NELL2: variants seen among roughly 807,000 people sequenced by gnomAD.
NELL2 encodes the protein protein kinase C-binding protein NELL2.
In NELL2, 41 loss-of-function variants were observed where a neutral mutation model predicts 109.6. The observed-to-expected ratio is 0.37, with a 90% confidence interval of 0.29 to 0.49. The LOEUF is 0.49. NELL2 is among the 20% of genes least tolerant of loss of function. The probability of loss-of-function intolerance (pLI) is 0.98; values close to 1 mark genes in which losing one functional copy is unlikely to be tolerated. For missense variants in NELL2, 900 were observed against 1,008.3 expected (o/e 0.89, Z 1.45); for synonymous variants, 355 against 344.7 (o/e 1.03, Z -0.33).
chr12:44,741,392 G>C (rs1237263511), intron 9 of NELL2, among the ~76,000 whole-genome samples: 1 of 152,180 alleles, frequency 6.6e-6, no homozygotes, highest in Non-Finnish European at 1.5e-5. Context: ...CAGAAGACAG[G>C]TGATTTCTGC....
intron 13 of NELL2, among the ~76,000 whole-genome samples, chr12:44,645,880 A>G (rs1333263263): frequency 6.6e-6 from 1 of 152,116 alleles, no homozygotes; most frequent in Non-Finnish European, 1.5e-5. Flanking sequence ...ATATTATAGT[A>G]TATTATACTC....
chr12:44,844,047 C>A (rs1442373853), intron 2 of NELL2, among the ~76,000 whole-genome samples: 1 of 152,068 alleles, frequency 6.6e-6, no homozygotes, highest in African/African-American at 2.4e-5. Flanking sequence ...AAAGACAGCA[C>A]CTTGTTGCTG....
At chr12:44,570,758 A>G (rs1169895440) in intron 15 of NELL2, among the ~76,000 whole-genome samples, 1 of 152,202 alleles carries the variant, frequency 6.6e-6, no homozygotes, top group Non-Finnish European at 1.5e-5. Context: ...CTTGTCCTTG[A>G]AACTTAAATC....
intron 13 of NELL2, among the ~76,000 whole-genome samples, chr12:44,629,492 T>A (rs1404112841): frequency 6.6e-6 from 1 of 152,102 alleles, no homozygotes; most frequent in Non-Finnish European, 1.5e-5. Context: ...ATTACAGAGA[T>A]GTCACAGGTA....
chr12:44,672,723 A>G, intron 12 of NELL2, among the ~76,000 whole-genome samples: 1 of 152,186 alleles, frequency 6.6e-6, no homozygotes, highest in Non-Finnish European at 1.5e-5. Context: ...ATGTGACCCT[A>G]TTTACAGCCA....
chr12:44,823,556 A>G (rs116649286), intron 2 of NELL2, among the ~76,000 whole-genome samples: 1,607 of 152,312 alleles, frequency 0.011, 27 homozygotes, highest in African/African-American at 0.037. Context: ...TGTTGCTGCA[A>G]AAGATATGAT....
In NELL2 at chr12:44,645,308, A is replaced by C. The variant is rs549484049; in HGVS notation, c.1444+20176T>G. The stretch of plus-strand genomic sequence containing the variant: ...AATTATTACTCTGTCTGCTGTGTGC[A>C]GAACATACTGGAGATAGCAAAAGCA... On this transcript the variant is annotated intron_variant, in intron 13 of 19. Coordinates refer to ENST00000429094, the MANE Select transcript of NELL2 (RefSeq NM_001145108.2). Among the ~76,000 whole-genome samples the C allele has an allele frequency of 2.6e-5, 4 of 152,352 alleles. No homozygotes were observed. The East Asian group carries it at 7.7e-4, about 29-fold the overall frequency.
At chr12:44,754,263 G>A (rs1205161622) in intron 9 of NELL2, among the ~76,000 whole-genome samples, 2 of 152,148 alleles carry the variant, frequency 1.3e-5, no homozygotes, top group Non-Finnish European at 2.9e-5. Context: ...ATATAATTTG[G>A]TAGTTTGTGG....
intron 15 of NELL2, among the ~76,000 whole-genome samples, chr12:44,604,484 C>T (rs770184375): frequency 6.6e-6 from 1 of 152,218 alleles, no homozygotes; most frequent in Non-Finnish European, 1.5e-5. Context: ...GACACAGCCA[C>T]ACCATCTTTT....
At chr12:44,726,115 C>G (rs995774085) in intron 9 of NELL2, among the ~76,000 whole-genome samples, 60 of 151,862 alleles carry the variant, frequency 4.0e-4, no homozygotes, top group African/African-American at 1.4e-3. Context: ...GAGAGTCCTT[C>G]AATAAATAAT....
At chr12:44,896,795 A>G (rs1455108610) in intron 1 of NELL2, among the ~76,000 whole-genome samples, 1 of 152,288 alleles carries the variant, frequency 6.6e-6, no homozygotes, top group East Asian at 1.9e-4. Flanking sequence ...ACACACCAGA[A>G]GCAAAAGTTT....
chr12:44,736,210 C>T lies in NELL2; in HGVS notation c.995-21469G>A, dbSNP rs374835490. On this transcript the variant is annotated intron_variant, in intron 9 of 19. Coordinates refer to ENST00000429094, the MANE Select transcript of NELL2 (RefSeq NM_001145108.2). ...ATTTTTAGTAGAGACGGGGTTTCAC[C>T]GTGTCAGCCAGGATGGTCTCAATCT... Among the ~76,000 whole-genome samples the T allele has an allele frequency of 1.2e-3, 187 of 151,742 alleles. 1 individual carries two copies. The highest frequency in any genetic ancestry group is 4.1e-3 in the African/African-American group (168 of 41,354).
intron 1 of NELL2, among the ~76,000 whole-genome samples, chr12:44,903,083 A>G (rs545303870): frequency 1.3e-5 from 2 of 152,334 alleles, no homozygotes; most frequent in African/African-American, 4.8e-5. Flanking sequence ...CTGCACAGCA[A>G]AATAAACTAT....
intron 15 of NELL2, among the ~76,000 whole-genome samples, chr12:44,557,617 G>T (rs910990163): frequency 2.0e-5 from 3 of 152,288 alleles, no homozygotes; most frequent in African/African-American, 7.2e-5. Context: ...TTTAGACTAC[G>T]TTGAGATTTT....
At chr12:44,600,467 C>A (rs747535937) in intron 15 of NELL2, among the ~76,000 whole-genome samples, 2 of 152,112 alleles carry the variant, frequency 1.3e-5, no homozygotes, top group Non-Finnish European at 2.9e-5. Context: ...ATGTTGCATT[C>A]AACAACGTTT....
intron 13 of NELL2, among the ~76,000 whole-genome samples, chr12:44,646,103 C>T (rs1947087458): frequency 6.6e-6 from 1 of 151,956 alleles, no homozygotes; most frequent in South Asian, 2.1e-4. Flanking sequence ...AAGCATATGC[C>T]TTCCAAATAG....
intron 2 of NELL2, among the ~76,000 whole-genome samples, chr12:44,858,077 A>C (rs1311085874): frequency 6.6e-6 from 1 of 152,224 alleles, no homozygotes. Flanking sequence ...AATAATAATT[A>C]AGATTTAATG....
At chr12:44,681,571 G>A (rs1459218628) in intron 12 of NELL2, among the ~76,000 whole-genome samples, 4 of 150,516 alleles carry the variant, frequency 2.7e-5, no homozygotes, top group Non-Finnish European at 5.9e-5. Context: ...TCCCCTCTCC[G>A]CCCACCCCAC....
rs1207140359 is a variant in NELL2, at chr12:44,875,689, C to T, written c.55+126G>A. ...AAAAATCCATATCCAAACCCGCCCC[C>T]TTACTCCAAGCTTCCCACTCCAGAC... On this transcript the variant is annotated intron_variant, in intron 1 of 19. Transcript: ENST00000429094. 2.5e-6 allele frequency: 4 copies of T among 1,596,326 alleles called. No homozygotes were observed. In the African/African-American group the frequency reaches 5.4e-5, roughly 22 times the overall value.
Sources: allele counts gnomAD v4.1 joint callset (sites outside exome capture counted in the v4.1 genomes callset), GRCh38; gene constraint gnomAD v4.1.1; transcripts MANE v1.5; gene names NCBI Gene and HGNC (gene_info 2026-07-23, HGNC 2026-07-21).